CDK5RAP1: variants seen among roughly 807,000 people sequenced by gnomAD.
The protein encoded by CDK5RAP1 is mitochondrial tRNA methylthiotransferase CDK5RAP1.
In CDK5RAP1, 62 loss-of-function variants were observed where a neutral mutation model predicts 64.5. The observed-to-expected ratio is 0.96, with a 90% CI of 0.78 to 1.19. CDK5RAP1 has a LOEUF of 1.19. Among genes scored for constraint, CDK5RAP1 ranks in the 50% most tolerant of loss-of-function variants. The pLI is 0.00. For missense variants in CDK5RAP1, 657 were observed against 735.0 expected, an observed-to-expected ratio of 0.89 and a Z score of 1.23; for synonymous variants, 250 against 261.9, an observed-to-expected ratio of 0.95 and a Z score of 0.44.
At chr20:33,361,233 G>A (rs780593495) in intron 12 of CDK5RAP1, among the ~76,000 whole-genome samples, 1 of 152,196 alleles carries the variant, frequency 6.6e-6, no homozygotes, top group Non-Finnish European at 1.5e-5. Flanking sequence ...AAGCAGGAGG[G>A]GAGAGCTCAA....
chr20:33,362,752 T>G (rs1246762178), intron 12 of CDK5RAP1, among the ~76,000 whole-genome samples: 1 of 152,034 alleles, frequency 6.6e-6, no homozygotes, highest in Non-Finnish European at 1.5e-5. Context: ...ATACACTGAG[T>G]GAGTGGTACC....
At chr20:33,385,492 G>A in intron 7 of CDK5RAP1, 158 bp downstream of exon 7, 1 of 722,600 alleles carries the variant, frequency 1.4e-6, no homozygotes, top group Non-Finnish European at 2.2e-6. Context: ...TGTAATTTGT[G>A]GGCAATAAAC....
In CDK5RAP1 at chr20:33,387,363, T is replaced by C; in HGVS notation, c.715A>G (p.Met239Val). ...GCACTGGCGCTTGTCTGGACTGGCA[T>C]GACATCAGCATAGGTCTCGTCCAGA... ...LSLDETYADV[M>V]PVQTSASATS... Residue 239 changes from methionine (M) to valine (V), a missense_variant, in exon 6 of 14, where the codon ATG becomes GTG. By Grantham distance (21) the Met-to-Val change is conservative (BLOSUM62 1). Coordinates refer to ENST00000346416, the MANE Select transcript of CDK5RAP1 (RefSeq NM_016408.4). The C allele has an allele frequency of 6.2e-7, 1 of 1,614,040 alleles. No homozygotes were observed. Among genetic ancestry groups the C allele is most frequent in the South Asian group, 1.1e-5 (1 of 91,078 alleles).
At chr20:33,369,593 G>A (rs928563817) in intron 11 of CDK5RAP1, among the ~76,000 whole-genome samples, 4 of 152,020 alleles carry the variant, frequency 2.6e-5, no homozygotes, top group Non-Finnish European at 4.4e-5. Flanking sequence ...GCACAGTTAC[G>A]CTGCCCACAG....
intron 5 of CDK5RAP1, 110 bp downstream of exon 5, chr20:33,392,032 A>G (rs1207065449): frequency 1.7e-5 from 12 of 708,256 alleles, no homozygotes; most frequent in Non-Finnish European, 2.5e-6. Context: ...CATGGGATAT[A>G]TAAGATTTCT....
chr20:33,388,289 T>A (rs6057839), intron 5 of CDK5RAP1, among the ~76,000 whole-genome samples: 7 of 152,204 alleles, frequency 4.6e-5, no homozygotes, highest in African/African-American at 1.7e-4. Flanking sequence ...ATCTTCCATA[T>A]CCTTAAAAAA....
chr20:33,363,266 C>A (rs1479366642), intron 12 of CDK5RAP1, among the ~76,000 whole-genome samples: 1 of 152,150 alleles, frequency 6.6e-6, no homozygotes, highest in Non-Finnish European at 1.5e-5. Context: ...CTAAAGGAGA[C>A]TAGAGAGACA....
intron 7 of CDK5RAP1, among the ~76,000 whole-genome samples, chr20:33,380,078 A>G (rs1252423538): frequency 6.6e-6 from 1 of 152,202 alleles, no homozygotes; most frequent in Non-Finnish European, 1.5e-5. Context: ...TTTACACCTA[A>G]CTTCCAGTTA....
At chr20:33,366,823 T>C (rs1984042489) in intron 12 of CDK5RAP1, 36 bp downstream of exon 12, 2 of 1,563,688 alleles carry the variant, frequency 1.3e-6, no homozygotes, top group Non-Finnish European at 1.7e-6. Flanking sequence ...TTCTGAAACA[T>C]AAAAAACAAC....
chr20:33,380,122 T>A (rs1367606894), intron 7 of CDK5RAP1, among the ~76,000 whole-genome samples: 1 of 152,160 alleles, frequency 6.6e-6, no homozygotes, highest in East Asian at 1.9e-4. Context: ...AATGACAACA[T>A]GAGGAAAAAA....
At chr20:33,370,797 C>T (rs151047708) in intron 10 of CDK5RAP1, among the ~76,000 whole-genome samples, 168 bp from the exon 11 acceptor site, 107 of 152,318 alleles carry the variant, frequency 7.0e-4, no homozygotes, top group African/African-American at 2.5e-3. Flanking sequence ...GGCCTGTTCA[C>T]CCACAGCATT....
chr20:33,369,908 T>A (rs1487688535), intron 11 of CDK5RAP1, among the ~76,000 whole-genome samples: 1 of 152,204 alleles, frequency 6.6e-6, no homozygotes, highest in South Asian at 2.1e-4. Context: ...CAAAGGTGAC[T>A]GAGGGAATGA....
chr20:33,383,993 T>C (rs919842914), intron 7 of CDK5RAP1, among the ~76,000 whole-genome samples: 1 of 152,180 alleles, frequency 6.6e-6, no homozygotes, highest in African/African-American at 2.4e-5. Context: ...TACTATTCCC[T>C]CTTTTCAGTA....
At chr20:33,390,259 C>CTT (rs1988160304) in intron 5 of CDK5RAP1, among the ~76,000 whole-genome samples, 1 of 141,360 alleles carries the variant, frequency 7.1e-6, no homozygotes, top group South Asian at 2.4e-4. Flanking sequence ...GGGCGACAAA[C>CTT]TGAGACCCTG....
rs1229424278 is a variant in CDK5RAP1 at position 33,396,766 on chromosome 20, C to A, written c.299G>T (p.Arg100Ile). 1.2e-6 allele frequency: 2 copies of A among 1,611,708 alleles called. No individual in the cohort carries two copies. Among genetic ancestry groups the A allele is most frequent in the Admixed American group, 1.7e-5 (1 of 59,898 alleles). ...ATAAGCGAAGTAAAACCAACCTTTT[C>A]TCTGCCTTCCAAGAAGTTCATCCAT... ...LMMDELLGRQ[R>I]KVYLETYGCQ... is the part of the protein sequence containing the mutation. The change falls in exon 2 of 14, where the codon AGA becomes ATA. Residue 100 changes from arginine to isoleucine, a missense_variant. Transcript: ENST00000346416.
intron 7 of CDK5RAP1, among the ~76,000 whole-genome samples, chr20:33,384,053 T>C (rs1042820600): frequency 1.3e-5 from 2 of 152,128 alleles, no homozygotes; most frequent in Admixed American, 1.3e-4. Context: ...TTTATAAAAG[T>C]TGCTTATTTA....
At chr20:33,366,561 G>A (rs978775975) in intron 12 of CDK5RAP1, among the ~76,000 whole-genome samples, 2 of 151,768 alleles carry the variant, frequency 1.3e-5, no homozygotes, top group Non-Finnish European at 2.9e-5. Context: ...GCAGTGGGCC[G>A]AGACTGTGCC....
At chr20:33,361,556 T>C (rs1264766582) in intron 12 of CDK5RAP1, among the ~76,000 whole-genome samples, 1 of 152,158 alleles carries the variant, frequency 6.6e-6, no homozygotes, top group East Asian at 1.9e-4. Context: ...TCATAAGTTC[T>C]TGGAGGGTGG....
chr20:33,359,164 CT>C (rs1464397358), intron 13 of CDK5RAP1, 41 bp from the exon 14 acceptor site: 3 of 1,410,324 alleles, frequency 2.1e-6, no homozygotes. Context: ...ATAACTAGGA[CT>C]GTAGCACTGG....
Sources: allele counts gnomAD v4.1 joint callset (sites outside exome capture counted in the v4.1 genomes callset), GRCh38; gene constraint gnomAD v4.1.1; transcripts MANE v1.5; gene names NCBI Gene and HGNC (gene_info 2026-07-23, HGNC 2026-07-21).